The following DLGAP2 variants were observed in gnomAD, a reference collection of about 807,000 sequenced individuals.
DLGAP2 encodes DLG associated protein 2.
A neutral mutation model predicts 100.3 loss-of-function variants in DLGAP2; 26 were observed. The ratio of observed to expected loss-of-function variants is 0.26; its 90% CI spans 0.19 to 0.36. The LOEUF (loss-of-function observed/expected upper bound fraction) is 0.36, where lower values mean the gene tolerates loss of function less well. Ranked by LOEUF, DLGAP2 falls within the 10% of genes least tolerant of loss-of-function variation. DLGAP2 has a pLI of 1.00. For synonymous variants in DLGAP2, 886 were observed against 630.1 expected, an observed-to-expected ratio of 1.41 and a Z score of -6.08; for missense variants, 1,858 against 1,453.2, an observed-to-expected ratio of 1.28 and a Z score of -4.53.
At chr8:1,206,849 G>A (rs1223675263) in intron 2 of DLGAP2, among the ~76,000 whole-genome samples, 2 of 152,168 alleles carry the variant, frequency 1.3e-5, no homozygotes, top group Non-Finnish European at 2.9e-5. Context: ...ACACAGCAAG[G>A]TTTTCCTATG....
At chr8:898,226 GA>G (rs1348909203) in intron 1 of DLGAP2, among the ~76,000 whole-genome samples, 1 of 152,142 alleles carries the variant, frequency 6.6e-6, no homozygotes, top group Admixed American at 6.5e-5. Context: ...GTTTGCTTTG[GA>G]AATGTTTATC....
rs556586508 is a variant in DLGAP2 at position 1,529,417 on chromosome 8, T to C, written c.173-19209T>C. 3.9e-5 allele frequency among the ~76,000 whole-genome samples: 6 copies of C among 152,294 alleles called. No individual in the cohort carries two copies. In the South Asian group the frequency reaches 1.2e-3, roughly 32 times the overall value. ...CCATATCACCTTCTTATGATGTCTT[T>C]CATGCCACAGATTATCTCAGTGGTG... On this transcript the variant is annotated intron_variant, in intron 4 of 14. Coordinates refer to ENST00000637795, the MANE Select transcript of DLGAP2 (RefSeq NM_001346810.2).
At chr8:1,160,415 G>A (rs1287728254) in intron 2 of DLGAP2, among the ~76,000 whole-genome samples, 6 of 152,202 alleles carry the variant, frequency 3.9e-5, no homozygotes, top group Admixed American at 1.3e-4. Context: ...GTGGGCGCGG[G>A]CGTGAGTGTG....
At chr8:924,051 G>T (rs917534225) in intron 2 of DLGAP2, among the ~76,000 whole-genome samples, 11 of 152,176 alleles carry the variant, frequency 7.2e-5, no homozygotes, top group Admixed American at 4.6e-4. Context: ...AGCATCCATT[G>T]CGTATTGATG....
chr8:1,305,459 C>T (rs755130796), intron 3 of DLGAP2, among the ~76,000 whole-genome samples: 10 of 152,126 alleles, frequency 6.6e-5, no homozygotes, highest in Non-Finnish European at 1.2e-4. Flanking sequence ...ATAGTCATCC[C>T]TGGGTGTCTG....
At chr8:921,272 G>C (rs1228766188) in intron 2 of DLGAP2, among the ~76,000 whole-genome samples, 2 of 152,158 alleles carry the variant, frequency 1.3e-5, no homozygotes, top group Admixed American at 6.5e-5. Flanking sequence ...CCTGGGCTCA[G>C]GGTTTAAATG....
intron 3 of DLGAP2, among the ~76,000 whole-genome samples, chr8:1,319,176 A>G (rs1292665427): frequency 7.2e-5 from 11 of 152,142 alleles, no homozygotes; most frequent in Admixed American, 5.9e-4. Context: ...TGGGGCCCCC[A>G]TGGCTCCCCT....
At chr8:1,110,981 G>C (rs1804938172) in intron 2 of DLGAP2, among the ~76,000 whole-genome samples, 1 of 152,064 alleles carries the variant, frequency 6.6e-6, no homozygotes, top group African/African-American at 2.4e-5. Context: ...GCATCTGCCA[G>C]CCGAAGGTCA....
chr8:1,511,895 A>G (rs2130374466), intron 4 of DLGAP2, among the ~76,000 whole-genome samples: 1 of 152,380 alleles, frequency 6.6e-6, no homozygotes, highest in South Asian at 2.1e-4. Context: ...GGAAAGAGAA[A>G]CATTAGGCTC....
intron 2 of DLGAP2, among the ~76,000 whole-genome samples, chr8:1,082,167 C>A (rs1217888332): frequency 6.6e-6 from 1 of 152,182 alleles, no homozygotes; most frequent in Non-Finnish European, 1.5e-5. Flanking sequence ...AAGAACATCT[C>A]TGTCTGTCTG....
At chr8:1,283,278 C>T (rs977110433) in intron 3 of DLGAP2, among the ~76,000 whole-genome samples, 12 of 151,504 alleles carry the variant, frequency 7.9e-5, no homozygotes, top group Non-Finnish European at 1.3e-4. Flanking sequence ...ACCATCCGGA[C>T]GTGGTGCGAC....
At chr8:883,624 G>A (rs952995406) in intron 1 of DLGAP2, among the ~76,000 whole-genome samples, 8 of 151,676 alleles carry the variant, frequency 5.3e-5, no homozygotes, top group Non-Finnish European at 7.4e-5. Context: ...GCGGCGGTTC[G>A]TTACGTAGGA....
chr8:1,159,284 G>T (rs1031281395), intron 2 of DLGAP2, among the ~76,000 whole-genome samples: 3 of 152,210 alleles, frequency 2.0e-5, no homozygotes, highest in African/African-American at 7.2e-5. Flanking sequence ...AGAGTCTCCT[G>T]TTGTTTAATC....
intron 6 of DLGAP2, among the ~76,000 whole-genome samples, chr8:1,607,381 T>A (rs1421280274): frequency 6.6e-6 from 1 of 152,232 alleles, no homozygotes; most frequent in Admixed American, 6.5e-5. Context: ...ATTTCCATAA[T>A]GCTCATCACA....
intron 2 of DLGAP2, among the ~76,000 whole-genome samples, chr8:1,232,137 C>G (rs967151623): frequency 6.6e-6 from 1 of 152,212 alleles, no homozygotes; most frequent in Non-Finnish European, 1.5e-5. Context: ...TCTCATCCAG[C>G]ACTGTCCCCT....
intron 4 of DLGAP2, among the ~76,000 whole-genome samples, chr8:1,503,015 T>A (rs1221615289): frequency 6.6e-6 from 1 of 152,100 alleles, no homozygotes; most frequent in African/African-American, 2.4e-5. Flanking sequence ...ATTCTGACCC[T>A]GGACTCCGTG....
chr8:1,573,495 G>C (rs766515770), intron 6 of DLGAP2, among the ~76,000 whole-genome samples: 10 of 152,080 alleles, frequency 6.6e-5, no homozygotes. Flanking sequence ...GAGTGTCTGA[G>C]AGAAAAGTCC....
intron 3 of DLGAP2, among the ~76,000 whole-genome samples, chr8:1,331,263 C>T (rs974018655): frequency 2.0e-5 from 3 of 152,182 alleles, no homozygotes; most frequent in African/African-American, 4.8e-5. Context: ...GCCGCAAATT[C>T]CTTCAGAGGT....
Position 805,677 on chromosome 8 carries a change from G to A in DLGAP2, c.18+67852G>A, listed in dbSNP as rs530552503. The stretch of plus-strand genomic sequence containing the variant: ...GGCTGGAGGGCAGTGGCACGATCTG[G>A]GCTCACTCCGCCTCCCAGGCTGAAG... On this transcript the variant is annotated intron_variant, in intron 1 of 14. Coordinates refer to ENST00000637795, the MANE Select transcript of DLGAP2 (RefSeq NM_001346810.2). Among the ~76,000 whole-genome samples the A allele has an allele frequency of 2.0e-5, 3 of 152,138 alleles. No individual in the cohort carries two copies. The East Asian group carries it at 5.8e-4, about 29-fold the overall frequency.
Sources: gnomAD v4.1 joint callset for allele counts (sites outside exome capture counted in the v4.1 genomes callset) on GRCh38, gnomAD v4.1.1 for gene constraint, MANE v1.5 for transcripts, NCBI Gene and HGNC (gene_info 2026-07-23, HGNC 2026-07-21) for gene names.